RETSAT: variants seen among roughly 807,000 people sequenced by gnomAD.
RETSAT encodes all-trans-retinol 13,14-reductase.
In RETSAT, 35 loss-of-function variants were observed where a neutral mutation model predicts 61.6. That is an observed-to-expected ratio of 0.57 (90% CI 0.43 to 0.75). The LOEUF (loss-of-function observed/expected upper bound fraction) is 0.75, where lower values mean the gene tolerates loss of function less well. Among genes scored for constraint, RETSAT ranks in the 30% least tolerant of loss-of-function variants. The probability of loss-of-function intolerance (pLI) is 0.00; values close to 1 mark genes in which losing one functional copy is unlikely to be tolerated. For synonymous variants in RETSAT, 277 were observed against 310.4 expected, an observed-to-expected ratio of 0.89 and a Z score of 1.13; for missense variants, 670 against 759.5, an observed-to-expected ratio of 0.88 and a Z score of 1.38.
At chr2:85,349,730 T>C (rs2104437948) in intron 4 of RETSAT, 149 bp from the exon 5 acceptor site, 3 of 718,596 alleles carry the variant, frequency 4.2e-6, no homozygotes, top group South Asian at 1.8e-5. Context: ...GAGGAGCCTT[T>C]CCATCTAGAC....
At chr2:85,352,643 A>G (rs963510485) in intron 1 of RETSAT, among the ~76,000 whole-genome samples, 1 of 152,102 alleles carries the variant, frequency 6.6e-6, no homozygotes. Context: ...CGGCCTCCCA[A>G]ATTGCTGGGA....
rs761837106 is a variant in RETSAT, at chr2:85,344,724, G to C, written c.1126C>G (p.Gln376Glu). The change falls in exon 7 of 11, where the codon CAG becomes GAG. Residue 376 changes from glutamine to glutamate, a missense_variant. Transcript: ENST00000295802. ...GNARCLPGVK[Q>E]QLGTVRPGLG... ...CCGGGCCGCACCGTCCCCAGTTGCT[G>C]CTTCACACCTGCCAGGGGGAGTGGT... 6.2e-7 allele frequency: 1 copy of C among 1,614,110 alleles called. No individual in the cohort carries two copies. Among genetic ancestry groups the C allele is most frequent in the Admixed American group, 1.7e-5 (1 of 60,006 alleles).
In RETSAT at chr2:85,351,773, T is replaced by C; in HGVS notation, c.262A>G (p.Lys88Glu). ...AGCACCAGGACTCGCTTGCCAGCTT[T>C]AGCTAGAATTGCAGCTGCAGCCAGG... ...GGLAAAAILAKAGKRVLVLEQ... is the reference protein window; with the variant it reads ...GGLAAAAILAEAGKRVLVLEQ... The change falls in exon 2 of 11, where the codon AAA becomes GAA. Residue 88 changes from lysine (K) to glutamate (E), a missense_variant. Coordinates refer to ENST00000295802, the MANE Select transcript of RETSAT (RefSeq NM_017750.4). 5.0e-6 allele frequency: 8 copies of C among 1,614,148 alleles called. No individual in the cohort carries two copies. The highest frequency in any genetic ancestry group is 6.8e-6 in the Non-Finnish European group (8 of 1,180,032).
chr2:85,344,477 A>G, intron 7 of RETSAT, 117 bp downstream of exon 7: 1 of 1,544,072 alleles, frequency 6.5e-7, no homozygotes, highest in Non-Finnish European at 8.9e-7. Context: ...TGGCGTGACA[A>G]ACTTCCAGGA....
intron 5 of RETSAT, among the ~76,000 whole-genome samples, chr2:85,347,367 T>G (rs1683219988): frequency 1.3e-5 from 2 of 152,142 alleles, no homozygotes; most frequent in African/African-American, 4.8e-5. Flanking sequence ...TAGCTAGGAT[T>G]ACAGGCTCCC....
intron 5 of RETSAT, among the ~76,000 whole-genome samples, chr2:85,349,167 G>T (rs1391574842): frequency 6.6e-6 from 1 of 152,054 alleles, no homozygotes; most frequent in Non-Finnish European, 1.5e-5. Context: ...TGGGGTTACA[G>T]GCTTGGACCA....
At position 85,343,222 on chromosome 2, in the gene RETSAT, C is replaced by CT. The variant is rs1431160427; in HGVS notation, c.*19dup. 1 of 1,612,032 alleles carries CT rather than the reference C, an allele frequency of 6.2e-7. No homozygotes were observed. Among genetic ancestry groups the CT allele is most frequent in the Non-Finnish European group, 8.5e-7 (1 of 1,178,488 alleles). On this transcript the variant is annotated 3_prime_UTR_variant, in exon 11 of 11. Coordinates refer to ENST00000295802, the MANE Select transcript of RETSAT (RefSeq NM_017750.4). ...TGCCCCAGCCATTGGGCAAATTCCT[C>CT]TGACTCCTCCCTGATGGAACTAATT... is the stretch of plus-strand genomic sequence containing the variant.
At position 85,343,146 on chromosome 2, in the gene RETSAT, A is replaced by C; in HGVS notation, c.*96T>G. On this transcript the variant is annotated 3_prime_UTR_variant, in exon 11 of 11. Transcript: ENST00000295802. ...CATCAGAACCAAATTAGAGTGCTTT[A>C]TACGTGCAAGGAACTAATGCAGAAA... The C allele has an allele frequency of 6.5e-7, 1 of 1,533,010 alleles. No individual in the cohort carries two copies. The highest frequency in any genetic ancestry group is 8.9e-7 in the Non-Finnish European group (1 of 1,125,184). The allele number at this position is 1,533,010 out of a possible 1,614,324, so 95.0% of individuals were successfully genotyped here. A position where few individuals can be genotyped will look rare whatever the true frequency, so the allele number is the denominator to read the frequency against.
intron 1 of RETSAT, among the ~76,000 whole-genome samples, chr2:85,353,632 C>T (rs1683359210): frequency 1.3e-5 from 2 of 152,186 alleles, no homozygotes; most frequent in Admixed American, 6.5e-5. Context: ...GATGATTAGT[C>T]CTTCCACTTA....
chr2:85,344,231 A>C lies in RETSAT; in HGVS notation c.1366+8T>G, dbSNP rs749352091. 1 of 1,614,026 alleles carries C rather than the reference A, an allele frequency of 6.2e-7. No individual in the cohort carries two copies. Among genetic ancestry groups the C allele is most frequent in the African/African-American group, 1.3e-5 (1 of 74,938 alleles). ...CTCCACCCCCTCACCCGGGACGTGC[A>C]GCCCCACCTGGGAATCGGTCCTCCC... On this transcript the variant is annotated splice_region_variant and intron_variant, in intron 8 of 10. Transcript: ENST00000295802.
intron 1 of RETSAT, among the ~76,000 whole-genome samples, chr2:85,352,617 AG>A (rs1485127128): frequency 6.6e-6 from 1 of 152,022 alleles, no homozygotes; most frequent in African/African-American, 2.4e-5. Flanking sequence ...CCTGGCCTCA[AG>A]TGATCCACCC....
rs1435072900 is a variant in RETSAT at position 85,351,601 on chromosome 2, C to T, written c.355+79G>A. 7 of 1,370,770 alleles carry T rather than the reference C, an allele frequency of 5.1e-6. No homozygotes were observed. The Admixed American group carries it at 1.6e-4, about 31-fold the overall frequency. The allele number at this position is 1,370,770 out of a possible 1,614,324, so 84.9% of individuals were successfully genotyped here. A position where few individuals can be genotyped will look rare whatever the true frequency, so the allele number is the denominator to read the frequency against. On this transcript the variant is annotated intron_variant, in intron 2 of 10. Coordinates refer to ENST00000295802, the MANE Select transcript of RETSAT (RefSeq NM_017750.4). ...GCACTTCCAAAACAACAGAAATGCTCAGTATCACCCCACAAGGGCTGCTCC... is the reference window on the plus strand; with the variant it reads ...GCACTTCCAAAACAACAGAAATGCTTAGTATCACCCCACAAGGGCTGCTCC...
chr2:85,351,882 G>T lies in RETSAT; in HGVS notation c.173-20C>A. The T allele has an allele frequency of 6.2e-7, 1 of 1,608,932 alleles. No individual in the cohort carries two copies. Among genetic ancestry groups the T allele is most frequent in the South Asian group, 1.1e-5 (1 of 90,838 alleles). On this transcript the variant is annotated intron_variant, in intron 1 of 10. Coordinates refer to ENST00000295802, the MANE Select transcript of RETSAT (RefSeq NM_017750.4). ...AAAAAGCTACAGCAGAAGGGCCAAA[G>T]GGTGGGTTTCTCAGGCAGGGGCAGG...
Position 85,343,219 on chromosome 2 carries a change from CCT to C in RETSAT, c.*21_*22del. On this transcript the variant is annotated 3_prime_UTR_variant, in exon 11 of 11. Transcript: ENST00000295802. ...AGATGCCCCAGCCATTGGGCAAATTCCTCTGACTCCTCCCTGATGGAACTAAT... is the reference window on the plus strand; with the variant it reads ...AGATGCCCCAGCCATTGGGCAAATTCCTGACTCCTCCCTGATGGAACTAAT... 6.2e-7 allele frequency: 1 copy of C among 1,611,798 alleles called. No homozygotes were observed. Among genetic ancestry groups the C allele is most frequent in the South Asian group, 1.1e-5 (1 of 90,862 alleles).
rs750780809 is a variant in RETSAT, at chr2:85,350,112, C to T, written c.727G>A (p.Ala243Thr). 5.0e-6 allele frequency: 8 copies of T among 1,614,062 alleles called. No homozygotes were observed. In the South Asian group the frequency reaches 7.7e-5, roughly 16 times the overall value. Reference protein sequence around the residue: ...PFLQASTQSLAEVLQQLGASS... With the variant: ...PFLQASTQSLTEVLQQLGASS... ...GCCCCCAGCTGCTGCAGGACCTCAG[C>T]CAGGCTCTGGGTGGATGCTTGAAGG... is the stretch of plus-strand genomic sequence containing the variant. The change falls in exon 4 of 11, where the codon GCT (alanine) becomes ACT (threonine). Residue 243 changes from alanine (A) to threonine (T), a missense_variant. Transcript: ENST00000295802.
At position 85,349,538 on chromosome 2, in the gene RETSAT, C is replaced by G; in HGVS notation, c.843G>C (p.Leu281=). The G allele has an allele frequency of 6.2e-7, 1 of 1,614,142 alleles. No homozygotes were observed. Among genetic ancestry groups the G allele is most frequent in the Non-Finnish European group, 8.5e-7 (1 of 1,180,018 alleles). The change falls in exon 5 of 11, where the codon CTG becomes CTC. Residue 281 remains leucine (L), a synonymous_variant. Coordinates refer to ENST00000295802, the MANE Select transcript of RETSAT (RefSeq NM_017750.4). The part of the protein sequence containing the change: ...NHSAFSMHAL[L]VNHYMKGGFY... The stretch of plus-strand genomic sequence containing the variant: ...AGCCTCCTTTCATGTAGTGGTTGAC[C>G]AGCAGGGCGTGCATGGAAAAGGCAC...
At chr2:85,352,267 G>A (rs538557011) in intron 1 of RETSAT, among the ~76,000 whole-genome samples, 2 of 151,072 alleles carry the variant, frequency 1.3e-5, no homozygotes, top group South Asian at 2.1e-4. Context: ...TTTTTAAGAC[G>A]GAGTCTCACT....
intron 7 of RETSAT, 105 bp from the exon 8 acceptor site, chr2:85,344,453 C>T: frequency 6.5e-7 from 1 of 1,528,530 alleles, no homozygotes; most frequent in Non-Finnish European, 9.0e-7. Context: ...AGGGGTGAAG[C>T]TGAGCCACAG....
chr2:85,344,666 C>T lies in RETSAT; in HGVS notation c.1184G>A (p.Arg395Gln), dbSNP rs142596961. 1.6e-4 allele frequency: 261 copies of T among 1,614,168 alleles called. No individual in the cohort carries two copies. The highest frequency in any genetic ancestry group is 6.6e-4 in the Middle Eastern group (4 of 6,062). Residue 395 changes from arginine (R) to glutamine (Q), a missense_variant, in exon 7 of 11, where the codon CGA becomes CAA. Coordinates refer to ENST00000295802, the MANE Select transcript of RETSAT (RefSeq NM_017750.4). ...CAGATGCAGGTCTTCCTTGGTGCCT[C>T]GCAGGCAGATGAAAACAGAGGTCAT... ...LGMTSVFICLRGTKEDLHLPS... is the reference protein window; with the variant it reads ...LGMTSVFICLQGTKEDLHLPS...
Sources: allele counts gnomAD v4.1 joint callset (sites outside exome capture counted in the v4.1 genomes callset), GRCh38; gene constraint gnomAD v4.1.1; transcripts MANE v1.5; gene names NCBI Gene and HGNC (gene_info 2026-07-23, HGNC 2026-07-21).